The following DDX10 variants were observed in gnomAD, a reference collection of about 807,000 sequenced individuals.
The protein encoded by DDX10 is DEAD-box helicase 10.
Under a neutral mutation model 104.3 loss-of-function variants are expected in DDX10, and 74 were observed. The ratio of observed to expected loss-of-function variants is 0.71; its 90% CI spans 0.59 to 0.86. DDX10 has a LOEUF of 0.86. Among genes scored for constraint, DDX10 ranks in the 40% least tolerant of loss-of-function variants. The pLI, the probability that DDX10 is intolerant of heterozygous loss-of-function variation, is 0.00. For synonymous variants in DDX10, 351 were observed against 353.4 expected (o/e 0.99, Z 0.08); for missense variants, 952 against 1,040.0 (o/e 0.92, Z 1.16).
chr11:108,811,037 T>A (rs1862172851), intron 13 of DDX10, among the ~76,000 whole-genome samples: 1 of 152,230 alleles, frequency 6.6e-6, no homozygotes, highest in East Asian at 1.9e-4. Context: ...ATGTTTGTTT[T>A]GTTTACCTTC....
chr11:108,829,616 G>C (rs570324284), intron 13 of DDX10, among the ~76,000 whole-genome samples: 1 of 152,258 alleles, frequency 6.6e-6, no homozygotes, highest in South Asian at 2.1e-4. Flanking sequence ...ATTTATCTTT[G>C]TTTTTGCTGC....
At chr11:108,796,155 C>G (rs1208636314) in intron 13 of DDX10, among the ~76,000 whole-genome samples, 1 of 152,078 alleles carries the variant, frequency 6.6e-6, no homozygotes, top group African/African-American at 2.4e-5. Context: ...TTGTGATTCT[C>G]TCTCTCTCTT....
intron 13 of DDX10, among the ~76,000 whole-genome samples, chr11:108,731,839 A>T (rs1256968617): frequency 6.6e-6 from 1 of 152,214 alleles, no homozygotes; most frequent in East Asian, 1.9e-4. Context: ...AATCATACAT[A>T]AAATGGGAAT....
chr11:108,838,300 A>C, intron 13 of DDX10, 146 bp from the exon 14 acceptor site: 1 of 805,898 alleles, frequency 1.2e-6, no homozygotes, highest in Non-Finnish European at 1.8e-6. Flanking sequence ...AAATAATGTT[A>C]TTCCTGGACA....
chr11:108,675,883 G>C, intron 3 of DDX10, 157 bp downstream of exon 3: 2 of 887,330 alleles, frequency 2.3e-6, no homozygotes, highest in Non-Finnish European at 3.4e-6. Context: ...TGTGTGTCTT[G>C]TTCTCACCAT....
At chr11:108,870,406 A>T (rs982117770) in intron 16 of DDX10, among the ~76,000 whole-genome samples, 1 of 152,158 alleles carries the variant, frequency 6.6e-6, no homozygotes, top group East Asian at 1.9e-4. Context: ...TTCCCTGTCT[A>T]CTTTGTCACA....
At chr11:108,918,162 C>G in intron 17 of DDX10, 144 bp downstream of exon 17, 1 of 793,562 alleles carries the variant, frequency 1.3e-6, no homozygotes, top group Non-Finnish European at 2.0e-6. Context: ...TCCTGGAAAT[C>G]CTGCTGCTGT....
intron 13 of DDX10, among the ~76,000 whole-genome samples, chr11:108,741,087 T>C (rs2094324648): frequency 6.6e-6 from 1 of 152,124 alleles, no homozygotes; most frequent in Non-Finnish European, 1.5e-5. Flanking sequence ...TTGTTTTTGT[T>C]GACTTTATCG....
At chr11:108,739,418 G>A (rs1361129085) in intron 13 of DDX10, among the ~76,000 whole-genome samples, 1 of 152,178 alleles carries the variant, frequency 6.6e-6, no homozygotes, top group Non-Finnish European at 1.5e-5. Context: ...AGCAATCTGT[G>A]CTTACTGCTG....
chr11:108,768,853 G>T (rs1029569407), intron 13 of DDX10, among the ~76,000 whole-genome samples: 10 of 151,282 alleles, frequency 6.6e-5, no homozygotes, highest in African/African-American at 2.4e-4. Flanking sequence ...TTTTAATATG[G>T]TATTTAAAAA....
At chr11:108,703,006 T>G (rs2094270637) in intron 9 of DDX10, among the ~76,000 whole-genome samples, 1 of 152,240 alleles carries the variant, frequency 6.6e-6, no homozygotes, top group Admixed American at 6.5e-5. Flanking sequence ...TTGATATTGA[T>G]GGCAAAAATG....
chr11:108,792,504 A>G (rs907655058), intron 13 of DDX10, among the ~76,000 whole-genome samples: 6 of 152,208 alleles, frequency 3.9e-5, no homozygotes, highest in African/African-American at 1.4e-4. Flanking sequence ...AGCAACATTT[A>G]TTGAAAAGAC....
chr11:108,859,965 T>G (rs1406707072), intron 16 of DDX10, among the ~76,000 whole-genome samples: 1 of 152,252 alleles, frequency 6.6e-6, no homozygotes, highest in Non-Finnish European at 1.5e-5. Flanking sequence ...TCATAATTTC[T>G]GATATAGTAT....
intron 13 of DDX10, among the ~76,000 whole-genome samples, chr11:108,780,251 A>G (rs970503945): frequency 1.3e-5 from 2 of 152,196 alleles, no homozygotes; most frequent in Admixed American, 1.3e-4. Flanking sequence ...GATGAGTATG[A>G]ATAGAGCACA....
intron 15 of DDX10, among the ~76,000 whole-genome samples, chr11:108,848,437 A>T (rs1013620862): frequency 1.3e-5 from 2 of 152,210 alleles, no homozygotes; most frequent in Admixed American, 1.3e-4. Flanking sequence ...GCTTATTTAT[A>T]TGAGAGGATA....
At chr11:108,693,692 G>A (rs896134811) in intron 9 of DDX10, 92 bp downstream of exon 9, 14 of 999,644 alleles carry the variant, frequency 1.4e-5, no homozygotes, top group Admixed American at 3.5e-5. Context: ...AAGGAATCAG[G>A]TAAGTGAGTG....
At chr11:108,931,924 G>A (rs1863980569) in intron 17 of DDX10, among the ~76,000 whole-genome samples, 1 of 151,902 alleles carries the variant, frequency 6.6e-6, no homozygotes, top group Admixed American at 6.5e-5. Context: ...CAGTAAGGTT[G>A]GTCTGATATG....
chr11:108,915,106 A>G (rs550597253), intron 16 of DDX10, among the ~76,000 whole-genome samples: 8 of 152,336 alleles, frequency 5.3e-5, no homozygotes, highest in African/African-American at 1.7e-4. Context: ...ATTTGAAGGA[A>G]TAATGGCTGG....
intron 1 of DDX10, among the ~76,000 whole-genome samples, chr11:108,670,113 A>G (rs998457458): frequency 6.6e-6 from 1 of 152,214 alleles, no homozygotes; most frequent in Non-Finnish European, 1.5e-5. Flanking sequence ...TCTGGAAGCC[A>G]TGGGAAGTAT....
Sources: allele counts gnomAD v4.1 joint callset (sites outside exome capture counted in the v4.1 genomes callset), GRCh38; gene constraint gnomAD v4.1.1; transcripts MANE v1.5; gene names NCBI Gene and HGNC (gene_info 2026-07-23, HGNC 2026-07-21).